N4BP1: variants seen among roughly 807,000 people sequenced by gnomAD.
The protein encoded by N4BP1 is NEDD4-binding protein 1.
N4BP1 carries 21 observed loss-of-function variants against 70.9 expected under a neutral mutation model. That is an observed-to-expected ratio of 0.30 (90% CI 0.21 to 0.43). The LOEUF is 0.43. N4BP1 is among the 20% of genes least tolerant of loss of function. The pLI is 1.00. For synonymous variants in N4BP1, 387 were observed against 394.6 expected (o/e 0.98, Z 0.23); for missense variants, 936 against 1,069.4 (o/e 0.88, Z 1.74).
intron 1 of N4BP1, among the ~76,000 whole-genome samples, chr16:48,602,006 C>A (rs906770795): frequency 6.6e-6 from 1 of 152,136 alleles, no homozygotes; most frequent in Non-Finnish European, 1.5e-5. Flanking sequence ...GCAGATCACT[C>A]GAGGTCAGGA....
At chr16:48,546,322 C>G (rs753438900) in intron 5 of N4BP1, 68 bp from the exon 6 acceptor site, 5 of 1,086,424 alleles carry the variant, frequency 4.6e-6, no homozygotes, top group Non-Finnish European at 6.6e-6. Flanking sequence ...GTAAGGATCC[C>G]AAAGCAGCCA....
chr16:48,582,594 A>G (rs1469197507), intron 1 of N4BP1, among the ~76,000 whole-genome samples: 1 of 151,164 alleles, frequency 6.6e-6, no homozygotes, highest in African/African-American at 2.5e-5. Flanking sequence ...AACTTTTATT[A>G]GAGTATACTG....
At chr16:48,544,293 A>T (rs1182795231) in intron 6 of N4BP1, among the ~76,000 whole-genome samples, 1 of 152,240 alleles carries the variant, frequency 6.6e-6, no homozygotes, top group Admixed American at 6.5e-5. Flanking sequence ...CCTAGGTAGA[A>T]GAGACCACCA....
chr16:48,566,556 T>G (rs376658991), intron 1 of N4BP1, among the ~76,000 whole-genome samples: 8 of 152,354 alleles, frequency 5.3e-5, no homozygotes, highest in African/African-American at 1.9e-4. Flanking sequence ...TAGTTGGATC[T>G]CTTTGTGGTC....
At chr16:48,566,982 T>G (rs576504787) in intron 1 of N4BP1, among the ~76,000 whole-genome samples, 2 of 152,356 alleles carry the variant, frequency 1.3e-5, no homozygotes, top group South Asian at 4.1e-4. Flanking sequence ...TCTGGTAACT[T>G]TCTTTGCTCT....
At position 48,541,824 on chromosome 16, in the gene N4BP1, C is replaced by G. The variant is rs1469660371; in HGVS notation, c.*1080G>C. 9 of 152,636 alleles carry G rather than the reference C, an allele frequency of 5.9e-5. No homozygotes were observed. The highest frequency in any genetic ancestry group is 2.2e-4 in the African/African-American group (9 of 41,430). 9.5% of individuals were successfully genotyped at this position (152,636 alleles called of 1,614,324 possible). ...TCACAGGAAAGGCTGTTTAGGAGGA[C>G]ACTAGAGACAAACACAGGGAAAATA... On this transcript the variant is annotated 3_prime_UTR_variant, in exon 7 of 7. Transcript: ENST00000262384.
In N4BP1 at chr16:48,561,688, T is replaced by C. The variant is rs764371179; in HGVS notation, c.955A>G (p.Asn319Asp). The C allele has an allele frequency of 1.2e-6, 2 of 1,612,926 alleles. No homozygotes were observed. The highest frequency in any genetic ancestry group is 2.7e-5 in the African/African-American group (2 of 74,932). The change falls in exon 2 of 7, where the codon AAT becomes GAT. Residue 319 changes from asparagine to aspartate, a missense_variant. Physicochemically the swap from Asn to Asp is conservative, Grantham distance 23. Around this residue, in one of 4 missense-constraint regions of N4BP1, gnomAD observed 515 missense variants for 491.7 expected, o/e 1.05. Coordinates refer to ENST00000262384, the MANE Select transcript of N4BP1 (RefSeq NM_153029.4). ...ILHDAKTLAGNVIADLSDSSA... is the reference protein window; with the variant it reads ...ILHDAKTLAGDVIADLSDSSA... ...GAATCAGATAGGTCAGCTATTACAT[T>C]TCCAGCCAATGTCTTAGCATCGTGT...
intron 2 of N4BP1, among the ~76,000 whole-genome samples, chr16:48,556,801 T>C (rs949285624): frequency 5.3e-5 from 8 of 152,146 alleles, no homozygotes; most frequent in African/African-American, 1.9e-4. Flanking sequence ...TTTCTTTTTA[T>C]GGAACCCTAA....
In N4BP1 at chr16:48,562,368, A is replaced by G; in HGVS notation, c.275T>C (p.Val92Ala). 1.2e-6 allele frequency: 2 copies of G among 1,613,842 alleles called. No individual in the cohort carries two copies. The highest frequency in any genetic ancestry group is 1.7e-6 in the Non-Finnish European group (2 of 1,179,820). Reference sequence around the variant, plus strand: ...TTTCAGAAACAGGCTCTCTGCCCCAACAAAAATGCAGTGCATGTCCTTGGG... The same window carrying G: ...TTTCAGAAACAGGCTCTCTGCCCCAGCAAAAATGCAGTGCATGTCCTTGGG... ...CYPKDMHCIF[V>A]GAESLFLKSL... The change falls in exon 2 of 7, where the codon GTT becomes GCT. Residue 92 changes from valine to alanine, a missense_variant. Physicochemically the swap from Val to Ala is moderately conservative, Grantham distance 64. This residue lies in a region of N4BP1 where 187 missense variants were observed against 217.1 expected (regional missense o/e 0.86). Transcript: ENST00000262384.
At chr16:48,559,642 C>T (rs1264291980) in intron 2 of N4BP1, 1 of 152,182 alleles carries the variant, frequency 6.6e-6, no homozygotes, top group Non-Finnish European at 1.5e-5. Flanking sequence ...ATTGTTCAGA[C>T]CACTTCTACA....
chr16:48,573,039 G>A (rs1275579247), intron 1 of N4BP1, among the ~76,000 whole-genome samples: 2 of 151,494 alleles, frequency 1.3e-5, no homozygotes, highest in Admixed American at 6.6e-5. Context: ...CCTGAGCCTG[G>A]GTACAGGCTG....
intron 1 of N4BP1, among the ~76,000 whole-genome samples, chr16:48,564,479 G>T (rs1220812293): frequency 6.6e-6 from 1 of 152,140 alleles, no homozygotes; most frequent in African/African-American, 2.4e-5. Context: ...TGCCATACTT[G>T]TGTGGAACTA....
At chr16:48,601,759 G>A (rs1212900402) in intron 1 of N4BP1, among the ~76,000 whole-genome samples, 1 of 152,054 alleles carries the variant, frequency 6.6e-6, no homozygotes, top group Non-Finnish European at 1.5e-5. Flanking sequence ...ACCCAGGCTG[G>A]AGTGCAGGGG....
chr16:48,553,658 T>A lies in N4BP1; in HGVS notation c.1901A>T (p.Lys634Ile). Residue 634 changes from lysine to isoleucine, a missense_variant, in exon 3 of 7, where the codon AAA (lysine) becomes ATA (isoleucine). Lys to Ile is a moderately radical substitution (Grantham distance 102). Transcript: ENST00000262384. ...GSNVAITHGLKKFFSCRGIAI... is the reference protein window; with the variant it reads ...GSNVAITHGLIKFFSCRGIAI... ...AATTCCACGACAAGAAAAGAACTTT[T>A]TCAGACCATGGCTAGAAATTACAAA... The A allele has an allele frequency of 6.3e-7, 1 of 1,584,612 alleles. No homozygotes were observed. Among genetic ancestry groups the A allele is most frequent in the Non-Finnish European group, 8.6e-7 (1 of 1,167,064 alleles).
chr16:48,546,900 G>A (rs1193776646), intron 5 of N4BP1, among the ~76,000 whole-genome samples: 1 of 152,208 alleles, frequency 6.6e-6, no homozygotes, highest in Non-Finnish European at 1.5e-5. Context: ...ATACATGGAT[G>A]AGTGTCAATA....
In N4BP1 at chr16:48,584,457, T is replaced by G. The variant is rs541336250; in HGVS notation, c.199-22013A>C. On this transcript the variant is annotated intron_variant, in intron 1 of 6. Transcript: ENST00000262384. ...TGAGAAATATCCCCAGGGCTATTAA[T>G]ACATTAGATTATAAAGTTTCTCAAA... 2.6e-5 allele frequency among the ~76,000 whole-genome samples: 4 copies of G among 152,336 alleles called. No individual in the cohort carries two copies. In the South Asian group the frequency reaches 8.3e-4, roughly 32 times the overall value.
chr16:48,552,699 GAAAAAAAAAAAAAAAAAAA>G (rs71134556), intron 3 of N4BP1, among the ~76,000 whole-genome samples: 78 of 18,504 alleles, frequency 4.2e-3, no homozygotes, highest in South Asian at 0.02. Context: ...CTCCGTCTCA[GAAAAAAAAAAAAAAAAAAA>G]AAAAAAAAAA....
chr16:48,553,638 C>T lies in N4BP1; in HGVS notation c.1921G>A (p.Gly641Arg). ...AAATATTCAACTGCAATTGCAATTCCACGACAAGAAAAGAACTTTTTCAGA... is the reference window on the plus strand; with the variant it reads ...AAATATTCAACTGCAATTGCAATTCTACGACAAGAAAAGAACTTTTTCAGA... ...HGLKKFFSCRGIAIAVEYFWK... is the reference protein window; with the variant it reads ...HGLKKFFSCRRIAIAVEYFWK... Residue 641 changes from glycine to arginine, a missense_variant, in exon 3 of 7, where the codon GGA (glycine) becomes AGA (arginine). Transcript: ENST00000262384. 1 of 1,596,548 alleles carries T rather than the reference C, an allele frequency of 6.3e-7. No individual in the cohort carries two copies. Among genetic ancestry groups the T allele is most frequent in the Non-Finnish European group, 8.5e-7 (1 of 1,172,182 alleles).
intron 1 of N4BP1, among the ~76,000 whole-genome samples, chr16:48,589,605 C>G (rs1964302541): frequency 6.6e-6 from 1 of 152,128 alleles, no homozygotes; most frequent in Non-Finnish European, 1.5e-5. Context: ...GCCCAGAGTT[C>G]TCTGAGCTGC....
Sources: allele counts gnomAD v4.1 joint callset (sites outside exome capture counted in the v4.1 genomes callset), GRCh38; gene constraint gnomAD v4.1.1; regional missense constraint gnomAD v4.1.1; transcripts MANE v1.5; gene names NCBI Gene and HGNC (gene_info 2026-07-23, HGNC 2026-07-21).